KCNG4: variants seen among roughly 807,000 people sequenced by gnomAD.
The protein encoded by KCNG4 is voltage-gated potassium channel regulatory subunit KCNG4.
Under a neutral mutation model 28.2 loss-of-function variants are expected in KCNG4, and 30 were observed. The observed-to-expected ratio is 1.06, with a 90% confidence interval of 0.80 to 1.44. The LOEUF (loss-of-function observed/expected upper bound fraction) is 1.44. Ranked by LOEUF, KCNG4 falls within the 40% of genes most tolerant of loss-of-function variation. The pLI, the probability that KCNG4 is intolerant of heterozygous loss-of-function variation, is 0.00. For synonymous variants in KCNG4, 375 were observed against 315.5 expected (o/e 1.19, Z -2.00); for missense variants, 879 against 712.3 (o/e 1.23, Z -2.66).
rs754234993 is a variant in KCNG4 at position 84,222,757 on chromosome 16, T to TCGCAGCACA, written c.1011_1019dup (p.Val338_Arg340dup). On this transcript the variant is annotated inframe_insertion, in exon 3 of 3. Transcript: ENST00000308251. ...GCATCACGTAGAGGATGCGCAGCGCTCGCAGCACACGCAGGACCAGCCCCA... is the reference window on the plus strand; with the variant it reads ...GCATCACGTAGAGGATGCGCAGCGCTCGCAGCACACGCAGCACACGCAGGACCAGCCCCA... The TCGCAGCACA allele has an allele frequency of 1.9e-6, 3 of 1,612,278 alleles. 1 individual carries two copies. In the South Asian group the frequency reaches 3.3e-5, roughly 18 times the overall value.
intron 2 of KCNG4, among the ~76,000 whole-genome samples, chr16:84,228,147 T>C (rs1049903943): frequency 2.0e-5 from 3 of 152,220 alleles, no homozygotes; most frequent in Admixed American, 6.5e-5. Flanking sequence ...GCAAAGCTGC[T>C]GCCCTGGGGG....
intron 2 of KCNG4, among the ~76,000 whole-genome samples, chr16:84,235,239 A>G (rs1904919595): frequency 6.6e-6 from 1 of 152,044 alleles, no homozygotes; most frequent in Non-Finnish European, 1.5e-5. Flanking sequence ...CTCCTACACA[A>G]TTTCTCCCTT....
intron 2 of KCNG4, among the ~76,000 whole-genome samples, chr16:84,231,555 A>G (rs578001965): frequency 6.6e-6 from 1 of 152,210 alleles, no homozygotes; most frequent in East Asian, 1.9e-4. Flanking sequence ...AACTGCAGCA[A>G]ACAGACCAGG....
chr16:84,226,126 C>T lies in KCNG4; in HGVS notation c.757-3106G>A, dbSNP rs34306852. Among the ~76,000 whole-genome samples the T allele has an allele frequency of 0.11, 16,264 of 152,252 alleles. 1,109 individuals are homozygous for T. The highest frequency in any genetic ancestry group is 0.19 in the African/African-American group (8,005 of 41,512). ...TTGGTCACCCTATTCCTAGCCCTTG[C>T]CACAGGCAGAGCGAGGTGTGTTCTG... On this transcript the variant is annotated intron_variant, in intron 2 of 2. Transcript: ENST00000308251. The surrounding 1 kb of genome is among the most constrained non-coding windows in gnomAD (Gnocchi z 4.1).
intron 2 of KCNG4, among the ~76,000 whole-genome samples, chr16:84,232,024 G>A (rs1301018084): frequency 7.8e-6 from 1 of 128,926 alleles, no homozygotes; most frequent in African/African-American, 2.8e-5. Flanking sequence ...AAAAAAAAAA[G>A]AGTCAGGACT....
intron 2 of KCNG4, among the ~76,000 whole-genome samples, chr16:84,227,617 C>A (rs1904727312): frequency 6.6e-6 from 1 of 152,042 alleles, no homozygotes; most frequent in Non-Finnish European, 1.5e-5. Flanking sequence ...AAAACTTGTA[C>A]ACAAAAGTCC....
Position 84,236,738 on chromosome 16 carries a change from C to T in KCNG4, c.748G>A (p.Glu250Lys), listed in dbSNP as rs754199652. The T allele has an allele frequency of 1.6e-5, 26 of 1,611,146 alleles. No individual in the cohort carries two copies. The South Asian group carries it at 2.0e-4, about 12-fold the overall frequency. ...VSTMPDLRAEEDQGECSRKCY... is the reference protein window; with the variant it reads ...VSTMPDLRAEKDQGECSRKCY... Reference sequence around the variant, plus strand: ...CATCAGAGGCCGCTCACCTGGTCCTCCTCTGCCCTGAGGTCGGGCATGGTG... The same window carrying T: ...CATCAGAGGCCGCTCACCTGGTCCTTCTCTGCCCTGAGGTCGGGCATGGTG... Residue 250 changes from glutamate (E) to lysine (K), a missense_variant, in exon 2 of 3, where the codon GAG becomes AAG. Transcript: ENST00000308251.
intron 2 of KCNG4, among the ~76,000 whole-genome samples, chr16:84,229,677 G>T (rs1017967518): frequency 6.6e-6 from 1 of 152,234 alleles, no homozygotes; most frequent in Non-Finnish European, 1.5e-5. Flanking sequence ...GGTGGCGTCT[G>T]CATGGGGCAT....
intron 2 of KCNG4, among the ~76,000 whole-genome samples, chr16:84,223,704 C>G (rs1045332556): frequency 6.6e-6 from 1 of 152,124 alleles, no homozygotes; most frequent in African/African-American, 2.4e-5. Flanking sequence ...ACATAGGAGG[C>G]GGTACCAGGG....
intron 2 of KCNG4, among the ~76,000 whole-genome samples, chr16:84,228,293 G>A (rs1318774536): frequency 6.6e-6 from 1 of 152,190 alleles, no homozygotes; most frequent in African/African-American, 2.4e-5. Context: ...TTCAGAACGT[G>A]GCCACCTCTC....
At position 84,237,299 on chromosome 16, in the gene KCNG4, T is replaced by C; in HGVS notation, c.187A>G (p.Ile63Val). Residue 63 changes from isoleucine (I) to valine (V), a missense_variant, in exon 2 of 3, where the codon ATC (isoleucine) becomes GTC (valine). Ile to Val is a conservative substitution (Grantham distance 29). Transcript: ENST00000308251. Reference protein sequence around the residue: ...SPVDLKKEILINVGGRRYLLP... With the variant: ...SPVDLKKEILVNVGGRRYLLP... The stretch of plus-strand genomic sequence containing the variant: ...AGATACCTCCTGCCCCCCACGTTGA[T>C]CAGGATCTCCTTCTTCAGGTCCACT... The C allele has an allele frequency of 1.9e-6, 3 of 1,600,750 alleles. No homozygotes were observed. The highest frequency in any genetic ancestry group is 1.3e-5 in the African/African-American group (1 of 74,734).
At chr16:84,231,597 G>A (rs1904829248) in intron 2 of KCNG4, among the ~76,000 whole-genome samples, 1 of 152,092 alleles carries the variant, frequency 6.6e-6, no homozygotes, top group Non-Finnish European at 1.5e-5. Context: ...GGGCTGGAAG[G>A]GCACTAGGGA....
At chr16:84,227,496 G>T (rs1904724056) in intron 2 of KCNG4, among the ~76,000 whole-genome samples, 1 of 152,146 alleles carries the variant, frequency 6.6e-6, no homozygotes. Flanking sequence ...AGAATCACTT[G>T]AACTCAGGAG....
intron 1 of KCNG4, among the ~76,000 whole-genome samples, chr16:84,239,208 C>T (rs956353638): frequency 6.6e-6 from 1 of 152,090 alleles, no homozygotes; most frequent in Non-Finnish European, 1.5e-5. Flanking sequence ...TAACCTATTT[C>T]ACACTCTTGC....
rs16963074 is a variant in KCNG4, at chr16:84,221,846, G to A, written c.*371C>T. On this transcript the variant is annotated 3_prime_UTR_variant, in exon 3 of 3. Transcript: ENST00000308251. ...TTAGGGAAATCATGAAATTACATAG[G>A]CTCAGTATGCAAATACCAATGGTTA... The A allele has an allele frequency of 0.21, 47,663 of 227,886 alleles. 5,376 individuals carry two copies. The highest frequency in any genetic ancestry group is 0.22 in the African/African-American group (9,672 of 43,202). The allele number at this position is 227,886 out of a possible 1,614,324, so 14.1% of individuals were successfully genotyped here.
intron 2 of KCNG4, among the ~76,000 whole-genome samples, chr16:84,233,824 T>C (rs1228021687): frequency 6.6e-6 from 1 of 152,042 alleles, no homozygotes; most frequent in African/African-American, 2.4e-5. Context: ...ATGGTATCAG[T>C]GTTGTGTAGT....
chr16:84,233,169 C>T (rs1904866562), intron 2 of KCNG4, among the ~76,000 whole-genome samples: 1 of 152,172 alleles, frequency 6.6e-6, no homozygotes. Flanking sequence ...CACATGACCC[C>T]TTGAGGGAAG....
intron 2 of KCNG4, chr16:84,236,047 T>C (rs530027758): frequency 6.6e-6 from 1 of 152,198 alleles, no homozygotes; most frequent in African/African-American, 2.4e-5. Flanking sequence ...TGGGGCAGAG[T>C]GACTTACAGA....
rs1026782840 is a variant in KCNG4 at position 84,220,337 on chromosome 16, T to C, written c.*1880A>G. 2 of 152,110 alleles carry C rather than the reference T, an allele frequency of 1.3e-5. No homozygotes were observed. The highest frequency in any genetic ancestry group is 1.5e-5 in the Non-Finnish European group (1 of 68,038). The allele number at this position is 152,110 out of a possible 1,614,324, so 9.4% of individuals were successfully genotyped here. The stretch of plus-strand genomic sequence containing the variant: ...AAAAGAATGGGGACATGTGCCTGTA[T>C]AGTTGGGGGGACACCTGGAGGACTC... On this transcript the variant is annotated 3_prime_UTR_variant, in exon 3 of 3. Coordinates refer to ENST00000308251, the MANE Select transcript of KCNG4 (RefSeq NM_172347.3).
Sources: allele counts gnomAD v4.1 joint callset (sites outside exome capture counted in the v4.1 genomes callset), GRCh38; gene constraint gnomAD v4.1.1; non-coding constraint Gnocchi (gnomAD v3.1); transcripts MANE v1.5; gene names NCBI Gene and HGNC (gene_info 2026-07-23, HGNC 2026-07-21).